Variants in HS6ST3 observed in about 807,000 individuals in gnomAD.
The protein encoded by HS6ST3 is heparan sulfate 6-O-sulfotransferase 3, also known as heparan-sulfate 6-O-sulfotransferase 3.
A neutral mutation model predicts 36.7 loss-of-function variants in HS6ST3; 12 were observed. The ratio of observed to expected loss-of-function variants is 0.33; its 90% CI spans 0.21 to 0.53. The LOEUF is 0.53. Ranked by LOEUF, HS6ST3 falls within the 20% of genes least tolerant of loss-of-function variation. The pLI is 0.95. For missense variants in HS6ST3, 584 were observed against 640.9 expected, an observed-to-expected ratio of 0.91 and a Z score of 0.96; for synonymous variants, 240 against 257.5, an observed-to-expected ratio of 0.93 and a Z score of 0.65.
At chr13:96,281,315 A>G (rs1419713891) in intron 1 of HS6ST3, among the ~76,000 whole-genome samples, 9 of 152,116 alleles carry the variant, frequency 5.9e-5, no homozygotes, top group East Asian at 5.8e-4. Flanking sequence ...AGAAATTTTT[A>G]TCTTTAAGAA....
At chr13:96,636,083 T>A (rs1368454517) in intron 1 of HS6ST3, among the ~76,000 whole-genome samples, 1 of 152,150 alleles carries the variant, frequency 6.6e-6, no homozygotes, top group Non-Finnish European at 1.5e-5. Context: ...TCATCGACAA[T>A]TCGATGAAAC....
chr13:96,659,193 C>G (rs956749689), intron 1 of HS6ST3, among the ~76,000 whole-genome samples: 17 of 152,142 alleles, frequency 1.1e-4, no homozygotes, highest in African/African-American at 3.6e-4. Flanking sequence ...GCATTGTCAG[C>G]TTTTTGGATT....
chr13:96,474,630 G>GATTT (rs1203648723), intron 1 of HS6ST3, among the ~76,000 whole-genome samples: 2 of 152,026 alleles, frequency 1.3e-5, no homozygotes, highest in Admixed American at 1.3e-4. Context: ...AATTTGGAGT[G>GATTT]ATTTTCTTGT....
At chr13:96,222,225 T>C (rs2054459184) in intron 1 of HS6ST3, among the ~76,000 whole-genome samples, 2 of 152,170 alleles carry the variant, frequency 1.3e-5, no homozygotes, top group Non-Finnish European at 2.9e-5. Context: ...AGGGAATAAA[T>C]TGATTTTATT....
At chr13:96,210,836 C>T (rs943505862) in intron 1 of HS6ST3, among the ~76,000 whole-genome samples, 15 of 151,898 alleles carry the variant, frequency 9.9e-5, no homozygotes, top group Admixed American at 7.2e-4. Context: ...TCAAGTGATC[C>T]GCCTGCTTCG....
chr13:96,500,934 G>A (rs182340996), intron 1 of HS6ST3, among the ~76,000 whole-genome samples: 1 of 152,262 alleles, frequency 6.6e-6, no homozygotes, highest in East Asian at 1.9e-4. Flanking sequence ...GACATCCTAA[G>A]CTGTGAGACA....
At chr13:96,230,485 G>C (rs1235840652) in intron 1 of HS6ST3, among the ~76,000 whole-genome samples, 1 of 152,104 alleles carries the variant, frequency 6.6e-6, no homozygotes, top group Non-Finnish European at 1.5e-5. Context: ...GATGAAATAT[G>C]GGTCTGGAGA....
At chr13:96,699,287 A>G (rs1875218128) in intron 1 of HS6ST3, among the ~76,000 whole-genome samples, 1 of 152,228 alleles carries the variant, frequency 6.6e-6, no homozygotes, top group African/African-American at 2.4e-5. Context: ...GCACAGCAAA[A>G]GAAACTACCA....
chr13:96,514,614 C>T (rs1035590767), intron 1 of HS6ST3, among the ~76,000 whole-genome samples: 2 of 152,092 alleles, frequency 1.3e-5, no homozygotes, highest in South Asian at 4.1e-4. Flanking sequence ...GCCGACACGC[C>T]AAGAGAAGAA....
intron 1 of HS6ST3, among the ~76,000 whole-genome samples, chr13:96,213,647 A>G (rs1009533988): frequency 2.6e-5 from 4 of 152,130 alleles, no homozygotes; most frequent in Non-Finnish European, 5.9e-5. Context: ...AACCACATTA[A>G]CAGTGCCTCT....
At chr13:96,239,858 T>C (rs553289729) in intron 1 of HS6ST3, among the ~76,000 whole-genome samples, 1 of 152,230 alleles carries the variant, frequency 6.6e-6, no homozygotes, top group Non-Finnish European at 1.5e-5. Context: ...AGTGGAATAC[T>C]GGTAAAAGCT....
intron 1 of HS6ST3, among the ~76,000 whole-genome samples, chr13:96,194,595 T>C (rs866096794): frequency 3.3e-5 from 5 of 152,184 alleles, no homozygotes; most frequent in Admixed American, 2.0e-4. Context: ...CCACCTCACA[T>C]AGTTACTATT....
Position 96,735,241 on chromosome 13 carries a change from G to A in HS6ST3, c.708-97249G>A, listed in dbSNP as rs533454716. Among the ~76,000 whole-genome samples, 12 of 151,484 alleles carry A rather than the reference G, an allele frequency of 7.9e-5. No individual in the cohort carries two copies. The South Asian group carries it at 8.3e-4, about 11-fold the overall frequency. On this transcript the variant is annotated intron_variant, in intron 1 of 1. Coordinates refer to ENST00000376705, the MANE Select transcript of HS6ST3 (RefSeq NM_153456.4). Reference sequence around the variant, plus strand: ...TCATCTAAAGAAAAAAAAAAAGAACGTACAAAATTTCCAAGGGCAAAATTA... The same window carrying A: ...TCATCTAAAGAAAAAAAAAAAGAACATACAAAATTTCCAAGGGCAAAATTA...
At chr13:96,503,017 A>C (rs2056011524) in intron 1 of HS6ST3, among the ~76,000 whole-genome samples, 1 of 152,158 alleles carries the variant, frequency 6.6e-6, no homozygotes, top group Admixed American at 6.5e-5. Context: ...TAAATCATAC[A>C]CAGCAGATTC....
In HS6ST3 at chr13:96,404,840, G is replaced by C. The variant is rs150829083; in HGVS notation, c.707+313271G>C. Among the ~76,000 whole-genome samples, 540 of 152,282 alleles carry C rather than the reference G, an allele frequency of 3.5e-3. 8 individuals are homozygous for C. The highest frequency in any genetic ancestry group is 0.024 in the East Asian group (123 of 5,178). ...CCCCACCCAAATCTCATCTTGAATT[G>C]TAACTCCCACAATAGCCACATATAA... On this transcript the variant is annotated intron_variant, in intron 1 of 1. Coordinates refer to ENST00000376705, the MANE Select transcript of HS6ST3 (RefSeq NM_153456.4).
intron 1 of HS6ST3, among the ~76,000 whole-genome samples, chr13:96,761,411 T>C (rs1006076888): frequency 7.9e-5 from 12 of 152,204 alleles, no homozygotes; most frequent in African/African-American, 2.9e-4. Flanking sequence ...CGTTGTTGGG[T>C]TACGTATCTC....
At chr13:96,390,768 A>T (rs926042077) in intron 1 of HS6ST3, among the ~76,000 whole-genome samples, 5 of 152,186 alleles carry the variant, frequency 3.3e-5, no homozygotes, top group African/African-American at 1.2e-4. Flanking sequence ...CAGCTGTGCT[A>T]GTCCAGGCTG....
intron 1 of HS6ST3, among the ~76,000 whole-genome samples, chr13:96,148,554 A>C (rs757858846): frequency 6.6e-6 from 1 of 152,206 alleles, no homozygotes; most frequent in Non-Finnish European, 1.5e-5. Context: ...AAGAAAATGC[A>C]CTTAAAGATT....
chr13:96,189,656 G>T (rs1455866732), intron 1 of HS6ST3, among the ~76,000 whole-genome samples: 1 of 152,162 alleles, frequency 6.6e-6, no homozygotes, highest in Non-Finnish European at 1.5e-5. Flanking sequence ...GAGAAAAATT[G>T]CTTCTTGCTC....
Sources: allele counts gnomAD v4.1 joint callset (sites outside exome capture counted in the v4.1 genomes callset), GRCh38; gene constraint gnomAD v4.1.1; transcripts MANE v1.5; gene names NCBI Gene and HGNC (gene_info 2026-07-23, HGNC 2026-07-21).